SPOCK1: variants seen among roughly 807,000 people sequenced by gnomAD.
SPOCK1 encodes testican-1.
SPOCK1 carries 23 observed loss-of-function variants against 55.3 expected under a neutral mutation model. The ratio of observed to expected loss-of-function variants is 0.42; its 90% CI spans 0.30 to 0.59. The LOEUF is 0.59. Among genes scored for constraint, SPOCK1 ranks in the 20% least tolerant of loss-of-function variants. The pLI, the probability that SPOCK1 is intolerant of heterozygous loss-of-function variation, is 0.22. For missense variants in SPOCK1, 499 were observed against 552.5 expected, an observed-to-expected ratio of 0.90 and a Z score of 0.97; for synonymous variants, 226 against 221.0, an observed-to-expected ratio of 1.02 and a Z score of -0.20.
At chr5:137,016,076 AG>A (rs1259683574) in intron 6 of SPOCK1, among the ~76,000 whole-genome samples, 2 of 152,190 alleles carry the variant, frequency 1.3e-5, no homozygotes, top group Non-Finnish European at 2.9e-5. Flanking sequence ...GAGAAGGCCT[AG>A]GGGAGATAAG....
At chr5:137,356,699 G>A (rs1359089094) in intron 2 of SPOCK1, among the ~76,000 whole-genome samples, 2 of 149,186 alleles carry the variant, frequency 1.3e-5, no homozygotes, top group African/African-American at 2.5e-5. Context: ...GCTGAGGCAC[G>A]AGAATCACTT....
chr5:137,401,741 C>T (rs916146750), intron 2 of SPOCK1, among the ~76,000 whole-genome samples: 2 of 151,868 alleles, frequency 1.3e-5, no homozygotes, highest in Admixed American at 6.6e-5. Flanking sequence ...GAGACCCTGA[C>T]TCAAAAAGAA....
intron 3 of SPOCK1, among the ~76,000 whole-genome samples, chr5:137,178,143 A>T (rs980364697): frequency 6.6e-6 from 1 of 152,178 alleles, no homozygotes; most frequent in African/African-American, 2.4e-5. Flanking sequence ...AGCCTCCCAG[A>T]TCATCCTGTT....
chr5:137,433,918 A>T (rs957791187), intron 2 of SPOCK1, among the ~76,000 whole-genome samples: 1 of 152,258 alleles, frequency 6.6e-6, no homozygotes, highest in African/African-American at 2.4e-5. Flanking sequence ...ATTGAGTACC[A>T]TTTTAAGGAA....
chr5:137,349,300 A>G (rs955908087), intron 2 of SPOCK1, among the ~76,000 whole-genome samples: 1 of 152,212 alleles, frequency 6.6e-6, no homozygotes, highest in Non-Finnish European at 1.5e-5. Flanking sequence ...AGTAACTATA[A>G]TTGCCAAAAG....
chr5:137,455,892 C>T (rs1212314180), intron 2 of SPOCK1, among the ~76,000 whole-genome samples: 1 of 151,998 alleles, frequency 6.6e-6, no homozygotes, highest in African/African-American at 2.4e-5. Flanking sequence ...AAAAAATTAG[C>T]TGGGTGTAGT....
chr5:137,345,502 A>G (rs73296897), intron 2 of SPOCK1, among the ~76,000 whole-genome samples: 15,981 of 152,234 alleles, frequency 0.1, 1,205 homozygotes, highest in African/African-American at 0.21. Context: ...AGAATCACCT[A>G]GGGCTTGGTC....
intron 2 of SPOCK1, among the ~76,000 whole-genome samples, chr5:137,439,475 G>C (rs1197981397): frequency 6.6e-6 from 1 of 152,194 alleles, no homozygotes; most frequent in African/African-American, 2.4e-5. Flanking sequence ...GAGGTAGGGG[G>C]TGAGGGGGCT....
At chr5:137,378,031 G>T (rs554764227) in intron 2 of SPOCK1, among the ~76,000 whole-genome samples, 4 of 133,190 alleles carry the variant, frequency 3.0e-5, no homozygotes, top group African/African-American at 1.1e-4. Context: ...CGCAACCTCC[G>T]CCTACTGGGT....
At chr5:137,034,703 C>T (rs1012393392) in intron 6 of SPOCK1, among the ~76,000 whole-genome samples, 1 of 152,132 alleles carries the variant, frequency 6.6e-6, no homozygotes, top group Non-Finnish European at 1.5e-5. Flanking sequence ...CCTAGGTGTG[C>T]GGAGTTCCAG....
At chr5:137,339,252 C>T (rs938126169) in intron 2 of SPOCK1, among the ~76,000 whole-genome samples, 3 of 152,230 alleles carry the variant, frequency 2.0e-5, no homozygotes, top group Admixed American at 6.5e-5. Context: ...TGTGACTCTA[C>T]CCCAGTTCCA....
At chr5:137,201,083 C>A (rs569069934) in intron 3 of SPOCK1, among the ~76,000 whole-genome samples, 19 of 152,182 alleles carry the variant, frequency 1.2e-4, no homozygotes, top group Non-Finnish European at 2.2e-4. Flanking sequence ...GACATCAAGG[C>A]AACTGTCCTG....
intron 5 of SPOCK1, among the ~76,000 whole-genome samples, chr5:137,089,465 A>G (rs1010892682): frequency 2.0e-5 from 3 of 152,110 alleles, no homozygotes. Context: ...ATGATAGCAG[A>G]GGGCCTTGGA....
At chr5:137,454,048 GA>G (rs71230749) in intron 2 of SPOCK1, among the ~76,000 whole-genome samples, 6 of 146,484 alleles carry the variant, frequency 4.1e-5, no homozygotes, top group Non-Finnish European at 9.1e-5. Context: ...TTGGGATCAG[GA>G]AAAAAAAAAG....
chr5:137,056,146 C>A (rs944201124), intron 6 of SPOCK1, among the ~76,000 whole-genome samples: 1 of 152,294 alleles, frequency 6.6e-6, no homozygotes, highest in South Asian at 2.1e-4. Context: ...CAGCAGCCAA[C>A]AGGCTGTAGG....
chr5:137,238,055 T>C (rs1416967181), intron 3 of SPOCK1, among the ~76,000 whole-genome samples: 2 of 152,216 alleles, frequency 1.3e-5, no homozygotes, highest in Non-Finnish European at 2.9e-5. Flanking sequence ...TGTGTGATCT[T>C]GGGCAAGACT....
At chr5:137,185,897 C>T (rs545026889) in intron 3 of SPOCK1, among the ~76,000 whole-genome samples, 36 of 152,302 alleles carry the variant, frequency 2.4e-4, no homozygotes, top group Admixed American at 7.8e-4. Flanking sequence ...TGCTACAAGA[C>T]AGGCAGTAAC....
chr5:137,478,689 T>C (rs992012497), intron 2 of SPOCK1, among the ~76,000 whole-genome samples: 2 of 152,082 alleles, frequency 1.3e-5, no homozygotes, highest in Non-Finnish European at 2.9e-5. Context: ...TTCCTATTTA[T>C]CAATAAACTA....
chr5:137,116,389 A>G (rs539093482), intron 4 of SPOCK1, among the ~76,000 whole-genome samples: 1 of 152,346 alleles, frequency 6.6e-6, no homozygotes, highest in South Asian at 2.1e-4. Flanking sequence ...CAACGCCTAA[A>G]ATCCCAGCAC....
Sources: gnomAD v4.1 joint callset for allele counts (sites outside exome capture counted in the v4.1 genomes callset) on GRCh38, gnomAD v4.1.1 for gene constraint, MANE v1.5 for transcripts, NCBI Gene and HGNC (gene_info 2026-07-23, HGNC 2026-07-21) for gene names.